RIMS2: variants seen among roughly 807,000 people sequenced by gnomAD.
RIMS2 encodes the protein regulating synaptic membrane exocytosis protein 2.
A neutral mutation model predicts 174.4 loss-of-function variants in RIMS2; 59 were observed. That is an observed-to-expected ratio of 0.34 (90% confidence interval 0.27 to 0.42). RIMS2 has a LOEUF of 0.42. RIMS2 is among the 10% of genes least tolerant of loss of function. The pLI, the probability that RIMS2 is intolerant of heterozygous loss-of-function variation, is 1.00. For missense variants in RIMS2, 1,620 were observed against 1,666.3 expected (o/e 0.97, Z 0.48); for synonymous variants, 606 against 572.5 (o/e 1.06, Z -0.84).
At chr8:103,992,627 A>T (rs1003342833) in intron 17 of RIMS2, among the ~76,000 whole-genome samples, 1 of 152,170 alleles carries the variant, frequency 6.6e-6, no homozygotes, top group African/African-American at 2.4e-5. Context: ...AGGAGAAGAT[A>T]TAGTATTTAT....
intron 19 of RIMS2, among the ~76,000 whole-genome samples, chr8:104,030,234 C>A (rs1001974546): frequency 2.6e-5 from 4 of 152,048 alleles, no homozygotes; most frequent in Non-Finnish European, 4.4e-5. Flanking sequence ...TGCCATAATC[C>A]CAGCTACTCG....
chr8:103,933,198 C>A (rs1216612376), intron 12 of RIMS2, among the ~76,000 whole-genome samples: 4 of 151,712 alleles, frequency 2.6e-5, no homozygotes, highest in Non-Finnish European at 4.4e-5. Context: ...GAGGCTGAGG[C>A]AGGAGAATTG....
At chr8:103,935,320 T>G (rs1326617797) in intron 12 of RIMS2, among the ~76,000 whole-genome samples, 1 of 152,210 alleles carries the variant, frequency 6.6e-6, no homozygotes, top group Non-Finnish European at 1.5e-5. Context: ...CATTGCATGT[T>G]ATCTTTTCCA....
At chr8:103,623,651 AT>A (rs35923184) in intron 1 of RIMS2, among the ~76,000 whole-genome samples, 25,396 of 141,708 alleles carry the variant, frequency 0.18, 1,612 homozygotes, top group African/African-American at 0.25. Flanking sequence ...CGCCCGGCTA[AT>A]TTTTTTTTTT....
At chr8:104,077,149 A>T (rs554080478) in intron 19 of RIMS2, among the ~76,000 whole-genome samples, 1 of 152,258 alleles carries the variant, frequency 6.6e-6, no homozygotes, top group South Asian at 2.1e-4. Flanking sequence ...CTACATATAA[A>T]GATTAAAGTC....
intron 17 of RIMS2, among the ~76,000 whole-genome samples, chr8:103,996,257 T>A (rs761657761): frequency 9.2e-5 from 14 of 151,760 alleles, no homozygotes; most frequent in Non-Finnish European, 1.8e-4. Context: ...TGTATATTGA[T>A]TCTATATCAA....
intron 1 of RIMS2, among the ~76,000 whole-genome samples, chr8:103,534,537 AC>A (rs1838900667): frequency 6.6e-6 from 1 of 152,226 alleles, no homozygotes; most frequent in Admixed American, 6.5e-5. Flanking sequence ...TCAATTAAAA[AC>A]ATTCTCATTG....
chr8:104,017,765 G>A (rs374265987), intron 19 of RIMS2, among the ~76,000 whole-genome samples: 5 of 152,130 alleles, frequency 3.3e-5, no homozygotes, highest in Non-Finnish European at 5.9e-5. Flanking sequence ...TGTCAGAAAC[G>A]TATCAAAAAT....
chr8:103,502,584 G>C (rs1210706207), intron 1 of RIMS2, among the ~76,000 whole-genome samples: 1 of 152,012 alleles, frequency 6.6e-6, no homozygotes, highest in African/African-American at 2.4e-5. Flanking sequence ...ACTAATAGAA[G>C]AATAAAGCAT....
At chr8:104,208,784 T>G (rs2099092440) in intron 19 of RIMS2, among the ~76,000 whole-genome samples, 1 of 151,976 alleles carries the variant, frequency 6.6e-6, no homozygotes, top group South Asian at 2.1e-4. Flanking sequence ...AACTGAGGCT[T>G]GAAAAACCTC....
At chr8:103,707,797 T>A (rs2097252062) in intron 2 of RIMS2, among the ~76,000 whole-genome samples, 1 of 152,218 alleles carries the variant, frequency 6.6e-6, no homozygotes, top group Non-Finnish European at 1.5e-5. Context: ...TACTTAAGGC[T>A]AAGGCCACTG....
intron 1 of RIMS2, among the ~76,000 whole-genome samples, chr8:103,506,366 G>C (rs978036343): frequency 6.6e-6 from 1 of 152,150 alleles, no homozygotes; most frequent in African/African-American, 2.4e-5. Flanking sequence ...GTGGAAGCAA[G>C]TGTGATAAAC....
chr8:103,834,742 T>TTCTCTCTC (rs780656073), intron 3 of RIMS2, among the ~76,000 whole-genome samples: 30 of 109,586 alleles, frequency 2.7e-4, no homozygotes, highest in African/African-American at 1.3e-3. Context: ...CTTTCTTTCT[T>TTCTCTCTC]TCTCTCTCTT....
intron 3 of RIMS2, among the ~76,000 whole-genome samples, chr8:103,838,121 A>G (rs1214196362): frequency 6.6e-6 from 1 of 151,648 alleles, no homozygotes; most frequent in Non-Finnish European, 1.5e-5. Flanking sequence ...TAATTTTTGT[A>G]GTTTTGTAGA....
chr8:103,623,357 A>G (rs1414961835), intron 1 of RIMS2, among the ~76,000 whole-genome samples: 1 of 151,762 alleles, frequency 6.6e-6, no homozygotes, highest in Admixed American at 6.6e-5. Context: ...AAAATTTTTT[A>G]TATGTTTGAA....
intron 1 of RIMS2, among the ~76,000 whole-genome samples, chr8:103,535,985 C>T (rs1839568083): frequency 1.3e-5 from 2 of 152,160 alleles, no homozygotes; most frequent in Non-Finnish European, 2.9e-5. Context: ...GTCCATCTGT[C>T]TTCAATACTT....
intron 1 of RIMS2, among the ~76,000 whole-genome samples, chr8:103,579,946 C>T (rs2093503763): frequency 6.6e-6 from 1 of 152,076 alleles, no homozygotes; most frequent in Non-Finnish European, 1.5e-5. Flanking sequence ...TTTAAACAAC[C>T]AGATCTGGTG....
intron 19 of RIMS2, among the ~76,000 whole-genome samples, chr8:104,244,380 C>A (rs947191719): frequency 6.6e-6 from 1 of 150,850 alleles, no homozygotes; most frequent in African/African-American, 2.4e-5. Context: ...GATTCTTTTT[C>A]CTTCTAATAT....
intron 3 of RIMS2, among the ~76,000 whole-genome samples, chr8:103,884,990 G>A (rs1217583904): frequency 6.6e-6 from 1 of 151,802 alleles, no homozygotes; most frequent in African/African-American, 2.4e-5. Context: ...GGAAGTGTAC[G>A]TAGCAAACCA....
Sources: gnomAD v4.1 joint callset for allele counts (sites outside exome capture counted in the v4.1 genomes callset) on GRCh38, gnomAD v4.1.1 for gene constraint, MANE v1.5 for transcripts, NCBI Gene and HGNC (gene_info 2026-07-23, HGNC 2026-07-21) for gene names.